Variants in CNBD1 observed in about 807,000 individuals in gnomAD.
CNBD1 encodes the protein cyclic nucleotide-binding domain-containing protein 1.
A neutral mutation model predicts 54.4 loss-of-function variants in CNBD1; 71 were observed. That is an observed-to-expected ratio of 1.30 (90% CI 1.08 to 1.59). The LOEUF (loss-of-function observed/expected upper bound fraction) is 1.59. CNBD1 is among the 40% of genes most tolerant of loss of function. The pLI, the probability that CNBD1 is intolerant of heterozygous loss-of-function variation, is 0.00. For missense variants in CNBD1, 659 were observed against 518.0 expected (o/e 1.27, Z -2.64); for synonymous variants, 182 against 170.7 (o/e 1.07, Z -0.51).
intron 4 of CNBD1, among the ~76,000 whole-genome samples, chr8:86,981,782 G>A (rs761297038): frequency 6.6e-6 from 1 of 152,074 alleles, no homozygotes; most frequent in Non-Finnish European, 1.5e-5. Flanking sequence ...TGGATATACT[G>A]TAATTTGTTC....
chr8:87,095,957 CCTGTTATTGT>C (rs1353009579), intron 4 of CNBD1, among the ~76,000 whole-genome samples: 1 of 152,198 alleles, frequency 6.6e-6, no homozygotes, highest in Non-Finnish European at 1.5e-5. Flanking sequence ...AACGCCCGGC[CCTGTTATTGT>C]CTTTAAAATA....
chr8:87,083,657 C>A (rs537470496), intron 4 of CNBD1, among the ~76,000 whole-genome samples: 12 of 144,596 alleles, frequency 8.3e-5, no homozygotes, highest in Admixed American at 2.8e-4. Context: ...GGCTGGATCT[C>A]GGCTAAGTGC....
At chr8:86,919,916 C>G (rs893978239) in intron 3 of CNBD1, among the ~76,000 whole-genome samples, 5 of 152,000 alleles carry the variant, frequency 3.3e-5, no homozygotes, top group African/African-American at 1.2e-4. Flanking sequence ...GTGTTTCTAA[C>G]AAGCTACCAG....
chr8:86,992,857 C>G (rs1205692751), intron 4 of CNBD1, among the ~76,000 whole-genome samples: 3 of 152,092 alleles, frequency 2.0e-5, no homozygotes, highest in Admixed American at 6.5e-5. Flanking sequence ...GTGCCTTGAC[C>G]CTTCTCTCTA....
chr8:87,404,841 G>T (rs1046561284), intron 2 of CNBD1, among the ~76,000 whole-genome samples: 2 of 151,896 alleles, frequency 1.3e-5, no homozygotes, highest in Non-Finnish European at 2.9e-5. Context: ...AGGCAACAAT[G>T]TTTTGCAAAA....
chr8:86,991,936 AGTTGATCTTAGAATGT>A (rs1360290926), intron 4 of CNBD1, among the ~76,000 whole-genome samples: 1 of 152,142 alleles, frequency 6.6e-6, no homozygotes, highest in African/African-American at 2.4e-5. Flanking sequence ...CTGAGCATGT[AGTTGATCTTAGAATGT>A]GTTCTGTGTG....
intron 2 of CNBD1, among the ~76,000 whole-genome samples, chr8:87,423,833 A>G (rs1253406908): frequency 6.6e-6 from 1 of 152,152 alleles, no homozygotes; most frequent in Non-Finnish European, 1.5e-5. Flanking sequence ...ATTGATTGGA[A>G]TAATTTCAGA....
At chr8:86,958,368 A>G (rs1807834436) in intron 4 of CNBD1, among the ~76,000 whole-genome samples, 1 of 152,174 alleles carries the variant, frequency 6.6e-6, no homozygotes, top group Non-Finnish European at 1.5e-5. Flanking sequence ...AGCTGAGTTC[A>G]ATTCCTGGAT....
chr8:87,325,843 A>G (rs537800930), intron 8 of CNBD1, among the ~76,000 whole-genome samples: 1 of 145,540 alleles, frequency 6.9e-6, no homozygotes, highest in East Asian at 2.0e-4. Context: ...TGATCCTGTC[A>G]TTATGATGTT....
chr8:87,260,537 A>C (rs913088364), intron 6 of CNBD1, among the ~76,000 whole-genome samples: 1 of 152,146 alleles, frequency 6.6e-6, no homozygotes, highest in Non-Finnish European at 1.5e-5. Context: ...AAAACTTTAC[A>C]GGGGAGATAA....
At chr8:87,369,234 T>C (rs539508921) in intron 10 of CNBD1, among the ~76,000 whole-genome samples, 209 of 152,142 alleles carry the variant, frequency 1.4e-3, no homozygotes, top group Admixed American at 3.3e-3. Context: ...ATTCATTACA[T>C]TGATATAGCT....
intron 4 of CNBD1, among the ~76,000 whole-genome samples, chr8:86,983,357 A>C (rs1350468096): frequency 1.3e-5 from 2 of 152,194 alleles, no homozygotes; most frequent in African/African-American, 4.8e-5. Context: ...GCCCAGTCTC[A>C]GATATGTCTT....
At chr8:86,929,201 C>T (rs1027454983) in intron 3 of CNBD1, among the ~76,000 whole-genome samples, 1 of 152,196 alleles carries the variant, frequency 6.6e-6, no homozygotes, top group Non-Finnish European at 1.5e-5. Flanking sequence ...GCACTGCATG[C>T]AATAACTCCA....
intron 8 of CNBD1, among the ~76,000 whole-genome samples, chr8:87,288,514 G>A (rs983550989): frequency 3.3e-5 from 5 of 151,938 alleles, no homozygotes; most frequent in African/African-American, 4.8e-5. Flanking sequence ...ATTTGGAAAG[G>A]GGAGAATGAT....
Position 87,110,878 on chromosome 8 carries a change from A to G in CNBD1, c.432-95115A>G, listed in dbSNP as rs1352347528. Among the ~76,000 whole-genome samples the G allele has an allele frequency of 6.6e-5, 10 of 152,342 alleles. No homozygotes were observed. In the East Asian group the frequency reaches 1.9e-3, roughly 29 times the overall value. On this transcript the variant is annotated intron_variant, in intron 4 of 10. Coordinates refer to ENST00000518476, the MANE Select transcript of CNBD1 (RefSeq NM_173538.3). ...AAAAGGATGCATTTGTCAGATCAAT[A>G]GCTTCATGTAACATACCAGAGATTA... is the stretch of plus-strand genomic sequence containing the variant.
At chr8:87,362,426 C>G (rs1257893928) in intron 10 of CNBD1, among the ~76,000 whole-genome samples, 1 of 152,054 alleles carries the variant, frequency 6.6e-6, no homozygotes, top group Non-Finnish European at 1.5e-5. Context: ...AACAGACAGT[C>G]CAAGGCAACT....
chr8:87,092,170 G>A (rs1811218291), intron 4 of CNBD1, among the ~76,000 whole-genome samples: 1 of 152,078 alleles, frequency 6.6e-6, no homozygotes, highest in Non-Finnish European at 1.5e-5. Context: ...ACTCTAGTCT[G>A]CCTTCTATCT....
intron 10 of CNBD1, among the ~76,000 whole-genome samples, chr8:87,379,161 A>G (rs1407498125): frequency 1.9e-4 from 29 of 151,736 alleles, no homozygotes; most frequent in South Asian, 1.5e-3. Flanking sequence ...TCTCCTGCCT[A>G]ATTGCCCTGG....
At chr8:87,390,681 GAT>G (rs1811289824) in intron 2 of CNBD1, among the ~76,000 whole-genome samples, 2 of 152,148 alleles carry the variant, frequency 1.3e-5, no homozygotes, top group African/African-American at 4.8e-5. Context: ...AAGTGAGTGT[GAT>G]GATTCCTCAG....
Sources: allele counts gnomAD v4.1 joint callset (sites outside exome capture counted in the v4.1 genomes callset), GRCh38; gene constraint gnomAD v4.1.1; transcripts MANE v1.5; gene names NCBI Gene and HGNC (gene_info 2026-07-23, HGNC 2026-07-21).